The following OPCML variants were observed in gnomAD, a reference collection of about 807,000 sequenced individuals.
OPCML encodes the protein opioid-binding protein/cell adhesion molecule.
Under a neutral mutation model 37.8 loss-of-function variants are expected in OPCML, and 13 were observed. That is an observed-to-expected ratio of 0.34 (90% CI 0.22 to 0.55). OPCML has a LOEUF of 0.55. Ranked by LOEUF, OPCML falls within the 20% of genes least tolerant of loss-of-function variation. OPCML has a pLI of 0.91. For missense variants in OPCML, 341 were observed against 435.6 expected (o/e 0.78, Z 1.93); for synonymous variants, 176 against 168.8 (o/e 1.04, Z -0.33).
intron 1 of OPCML, among the ~76,000 whole-genome samples, chr11:133,372,597 C>T (rs1304821286): frequency 6.6e-6 from 1 of 152,174 alleles, no homozygotes; most frequent in Non-Finnish European, 1.5e-5. Flanking sequence ...CTCCTGTCTC[C>T]TTACAGGATT....
chr11:132,647,725 T>C (rs543671022), intron 3 of OPCML, among the ~76,000 whole-genome samples: 1 of 151,782 alleles, frequency 6.6e-6, no homozygotes, highest in East Asian at 1.9e-4. Context: ...GTCTCAGGAG[T>C]GGCAGGGATG....
At chr11:133,531,770 AG>A (rs1948610012) in intron 1 of OPCML, among the ~76,000 whole-genome samples, 7 of 150,520 alleles carry the variant, frequency 4.7e-5, no homozygotes, top group African/African-American at 1.7e-4. Flanking sequence ...AGAGAGAGAG[AG>A]AAAAGAAACA....
chr11:132,935,904 C>T (rs185907350), intron 2 of OPCML, among the ~76,000 whole-genome samples: 26 of 152,304 alleles, frequency 1.7e-4, no homozygotes, highest in Admixed American at 7.8e-4. Context: ...TCTTAGGTTG[C>T]AGGCCCTTTG....
At chr11:132,706,934 G>C (rs1944057108) in intron 2 of OPCML, among the ~76,000 whole-genome samples, 1 of 152,182 alleles carries the variant, frequency 6.6e-6, no homozygotes, top group African/African-American at 2.4e-5. Context: ...ACCTCTCAAA[G>C]AGCTGGAGAA....
chr11:132,658,741 G>C (rs564323839), intron 2 of OPCML, among the ~76,000 whole-genome samples: 3 of 152,216 alleles, frequency 2.0e-5, no homozygotes, highest in South Asian at 2.1e-4. Flanking sequence ...AGTGAATAAT[G>C]CATGTAAATA....
chr11:132,582,013 A>T (rs1398381430), intron 3 of OPCML, among the ~76,000 whole-genome samples: 1 of 152,114 alleles, frequency 6.6e-6, no homozygotes, highest in African/African-American at 2.4e-5. Context: ...TCAAATTACT[A>T]ATAAATCATC....
intron 1 of OPCML, among the ~76,000 whole-genome samples, chr11:133,338,822 G>T (rs1193173224): frequency 6.6e-6 from 1 of 152,260 alleles, no homozygotes; most frequent in Non-Finnish European, 1.5e-5. Context: ...GGCCAGCAGT[G>T]TGAGGAATCC....
intron 1 of OPCML, among the ~76,000 whole-genome samples, chr11:133,374,301 T>C (rs949612973): frequency 5.9e-5 from 9 of 152,166 alleles, no homozygotes; most frequent in Non-Finnish European, 8.8e-5. Flanking sequence ...GGAAATAGAA[T>C]GTAGATTAGC....
At chr11:132,825,174 C>A (rs12291843) in intron 2 of OPCML, among the ~76,000 whole-genome samples, 1 of 152,212 alleles carries the variant, frequency 6.6e-6, no homozygotes, top group Non-Finnish European at 1.5e-5. Context: ...CTGTCCATCT[C>A]TAAGTTTTCC....
At chr11:133,294,343 G>A (rs1942568353) in intron 1 of OPCML, among the ~76,000 whole-genome samples, 1 of 152,118 alleles carries the variant, frequency 6.6e-6, no homozygotes, top group Non-Finnish European at 1.5e-5. Context: ...GGCTATACCA[G>A]GAAGAATTCT....
At chr11:133,428,805 C>G (rs532617173) in intron 1 of OPCML, among the ~76,000 whole-genome samples, 9 of 152,212 alleles carry the variant, frequency 5.9e-5, no homozygotes, top group African/African-American at 2.2e-4. Context: ...AAAAAATCAG[C>G]TTAATTTTTC....
At chr11:133,519,420 G>C (rs928435714) in intron 1 of OPCML, among the ~76,000 whole-genome samples, 2 of 152,178 alleles carry the variant, frequency 1.3e-5, no homozygotes, top group African/African-American at 4.8e-5. Flanking sequence ...CAGCATCTGG[G>C]AGAGACACAA....
At chr11:132,508,882 A>T (rs1384124962) in intron 4 of OPCML, among the ~76,000 whole-genome samples, 2 of 152,170 alleles carry the variant, frequency 1.3e-5, no homozygotes, top group Admixed American at 6.5e-5. Context: ...CAGAAGTGGG[A>T]TGCTGCTGAA....
chr11:132,421,577 C>G (rs2095959275), intron 7 of OPCML, among the ~76,000 whole-genome samples: 1 of 152,154 alleles, frequency 6.6e-6, no homozygotes, highest in African/African-American at 2.4e-5. Context: ...TACAACTGTT[C>G]CTCTCCACTA....
intron 1 of OPCML, chr11:133,297,394 G>A (rs903028510): frequency 3.3e-5 from 5 of 152,194 alleles, no homozygotes; most frequent in African/African-American, 1.2e-4. Flanking sequence ...CAAAGGCCAT[G>A]CACCCTGCTG....
intron 1 of OPCML, among the ~76,000 whole-genome samples, chr11:133,158,997 G>A (rs1950106406): frequency 6.6e-6 from 1 of 152,090 alleles, no homozygotes; most frequent in African/African-American, 2.4e-5. Context: ...TTCATCACAG[G>A]CTTGTTAATA....
chr11:132,771,902 C>G (rs1946649572), intron 2 of OPCML: 1 of 152,214 alleles, frequency 6.6e-6, no homozygotes, highest in Non-Finnish European at 1.5e-5. Context: ...CTAACGCGGC[C>G]TCTTCTTGTA....
chr11:133,385,691 T>C (rs906900970), intron 1 of OPCML, among the ~76,000 whole-genome samples: 4 of 152,130 alleles, frequency 2.6e-5, no homozygotes, highest in Non-Finnish European at 5.9e-5. Context: ...GTAATGAATG[T>C]CTGCGGTGGT....
intron 1 of OPCML, among the ~76,000 whole-genome samples, chr11:133,314,985 C>CGTGTGT (rs35412967): frequency 6.5e-4 from 98 of 151,590 alleles, no homozygotes; most frequent in African/African-American, 2.1e-3. Context: ...AGTGTGTGTG[C>CGTGTGT]GTGTGTGTGT....
Sources: gnomAD v4.1 joint callset for allele counts (sites outside exome capture counted in the v4.1 genomes callset) on GRCh38, gnomAD v4.1.1 for gene constraint, MANE v1.5 for transcripts, NCBI Gene and HGNC (gene_info 2026-07-23, HGNC 2026-07-21) for gene names.